CALCR: variants seen among roughly 807,000 people sequenced by gnomAD.
CALCR encodes the protein calcitonin receptor.
CALCR carries 47 observed loss-of-function variants against 59.5 expected under a neutral mutation model. That is an observed-to-expected ratio of 0.79 (90% CI 0.63 to 1.01). The LOEUF is 1.01. CALCR is among the 50% of genes least tolerant of loss of function. The pLI is 0.00. For synonymous variants in CALCR, 213 were observed against 211.3 expected, an observed-to-expected ratio of 1.01 and a Z score of -0.07; for missense variants, 566 against 597.1, an observed-to-expected ratio of 0.95 and a Z score of 0.54.
At chr7:93,446,332 T>C (rs1439140702) in intron 8 of CALCR, among the ~76,000 whole-genome samples, 2 of 152,054 alleles carry the variant, frequency 1.3e-5, no homozygotes, top group Non-Finnish European at 2.9e-5. Context: ...ACAAAAATAG[T>C]TTAGCACTTA....
chr7:93,448,383 TC>T (rs1800045282), intron 8 of CALCR, among the ~76,000 whole-genome samples: 1 of 152,004 alleles, frequency 6.6e-6, no homozygotes. Context: ...GCCATATGTT[TC>T]CTATATTCTG....
chr7:93,472,300 T>G, intron 6 of CALCR, 75 bp downstream of exon 6: 1 of 831,794 alleles, frequency 1.2e-6, no homozygotes, highest in Non-Finnish European at 2.0e-6. Context: ...GGCAGATATT[T>G]TACAGTTATG....
intron 2 of CALCR, chr7:93,496,064 C>T (rs1801195190): frequency 1.5e-6 from 1 of 654,226 alleles, no homozygotes; most frequent in Non-Finnish European, 2.5e-6. Context: ...ACTTGAAAAG[C>T]AAAGTTAAAT....
intron 3 of CALCR, among the ~76,000 whole-genome samples, chr7:93,481,392 A>G (rs1800793986): frequency 6.6e-6 from 1 of 151,822 alleles, no homozygotes; most frequent in African/African-American, 2.4e-5. Context: ...TGTTGGAACA[A>G]GAAAGTACCA....
intron 2 of CALCR, among the ~76,000 whole-genome samples, chr7:93,562,786 T>C (rs1219500156): frequency 6.6e-6 from 1 of 152,164 alleles, no homozygotes; most frequent in Admixed American, 6.6e-5. Context: ...CCTAACAATT[T>C]TCTAATTCAT....
intron 13 of CALCR, 113 bp downstream of exon 13, chr7:93,434,140 C>A: frequency 3.9e-6 from 3 of 777,128 alleles, no homozygotes; most frequent in South Asian, 1.4e-5. Context: ...ATCACAAAAC[C>A]CTATGAGGTC....
chr7:93,433,586 T>A (rs1444998174), intron 13 of CALCR, among the ~76,000 whole-genome samples: 1 of 152,182 alleles, frequency 6.6e-6, no homozygotes. Context: ...TTGAATCATG[T>A]TCCCTAAAAC....
intron 2 of CALCR, among the ~76,000 whole-genome samples, chr7:93,551,394 C>T (rs755709171): frequency 4.6e-5 from 7 of 152,162 alleles, no homozygotes; most frequent in Non-Finnish European, 8.8e-5. Flanking sequence ...ATTTGACAAG[C>T]GATGTCCCTA....
At chr7:93,475,672 G>A (rs996725371) in intron 5 of CALCR, among the ~76,000 whole-genome samples, 2 of 151,760 alleles carry the variant, frequency 1.3e-5, no homozygotes, top group Non-Finnish European at 2.9e-5. Context: ...CAAGGCCATA[G>A]CAAATGGTAT....
intron 7 of CALCR, among the ~76,000 whole-genome samples, chr7:93,467,640 T>C (rs548043314): frequency 6.6e-6 from 1 of 151,738 alleles, no homozygotes; most frequent in South Asian, 2.1e-4. Flanking sequence ...TCAGTAGTGA[T>C]AAATGCATAT....
chr7:93,518,894 TA>T (rs11367806), intron 2 of CALCR, among the ~76,000 whole-genome samples: 60,315 of 151,422 alleles, frequency 0.4, 12,750 homozygotes, highest in Non-Finnish European at 0.48. Flanking sequence ...TCTGGAATGA[TA>T]AAAAAAAGAA....
intron 2 of CALCR, among the ~76,000 whole-genome samples, chr7:93,548,868 G>GTGTGTC (rs1789371626): frequency 1.2e-5 from 1 of 82,998 alleles, no homozygotes; most frequent in African/African-American, 2.9e-5. Context: ...GTGTGTGTGT[G>GTGTGTC]TGTGTGTGTG....
intron 2 of CALCR, among the ~76,000 whole-genome samples, chr7:93,565,236 A>G (rs1407013233): frequency 6.6e-6 from 1 of 152,234 alleles, no homozygotes; most frequent in Admixed American, 6.5e-5. Flanking sequence ...CATCTCTGCT[A>G]TGGTCTCCTC....
chr7:93,507,231 AACACAC>A (rs34181575), intron 2 of CALCR, among the ~76,000 whole-genome samples: 1 of 149,838 alleles, frequency 6.7e-6, no homozygotes, highest in Non-Finnish European at 1.5e-5. Flanking sequence ...TTCCTTGTTG[AACACAC>A]ACACACACAC....
Position 93,443,651 on chromosome 7 carries a change from A to G in CALCR, c.755T>C (p.Val252Ala), listed in dbSNP as rs750774000. Residue 252 changes from valine (V) to alanine (A), a missense_variant, in exon 9 of 14, where the codon GTG (valine) becomes GCG (alanine). Coordinates refer to ENST00000426151, the MANE Select transcript of CALCR (RefSeq NM_001742.4). Reference sequence around the variant, plus strand: ...CCGCAAGCGTTGCTTCTCAGTAAACACAGCCACGACAATGAGTGTATGAAG... The same window carrying G: ...CCGCAAGCGTTGCTTCTCAGTAAACGCAGCCACGACAATGAGTGTATGAAG... Reference protein sequence around the residue: ...IYLHTLIVVAVFTEKQRLRWY... With the variant: ...IYLHTLIVVAAFTEKQRLRWY... The G allele has an allele frequency of 1.2e-6, 2 of 1,613,510 alleles. No homozygotes were observed. The highest frequency in any genetic ancestry group is 1.1e-5 in the South Asian group (1 of 91,032).
chr7:93,572,232 A>T (rs1234122563), intron 2 of CALCR, among the ~76,000 whole-genome samples: 3 of 151,970 alleles, frequency 2.0e-5, no homozygotes, highest in Non-Finnish European at 2.9e-5. Flanking sequence ...TCTTTTTTTT[A>T]AAGAAAAAAC....
intron 2 of CALCR, among the ~76,000 whole-genome samples, chr7:93,553,976 T>C (rs966962481): frequency 5.3e-5 from 8 of 152,326 alleles, no homozygotes; most frequent in African/African-American, 1.9e-4. Flanking sequence ...AGCAGAGATC[T>C]AGAGCAGACA....
At chr7:93,482,774 A>G (rs745753440) in intron 3 of CALCR, 3 of 533,566 alleles carry the variant, frequency 5.6e-6, no homozygotes, top group South Asian at 4.2e-5. Flanking sequence ...CCATCTTATC[A>G]TTCTTGCAAT....
intron 3 of CALCR, among the ~76,000 whole-genome samples, chr7:93,485,290 A>G (rs1376495368): frequency 6.6e-6 from 1 of 151,694 alleles, no homozygotes; most frequent in Non-Finnish European, 1.5e-5. Context: ...CACAAGCCAT[A>G]AAATGTTTCT....
Sources: gnomAD v4.1 joint callset for allele counts (sites outside exome capture counted in the v4.1 genomes callset) on GRCh38, gnomAD v4.1.1 for gene constraint, MANE v1.5 for transcripts, NCBI Gene and HGNC (gene_info 2026-07-23, HGNC 2026-07-21) for gene names.